FZD8: variants seen among roughly 807,000 people sequenced by gnomAD.
FZD8 encodes the protein frizzled-8.
Under a neutral mutation model 46.0 loss-of-function variants are expected in FZD8, and 18 were observed. The ratio of observed to expected loss-of-function variants is 0.39; its 90% confidence interval spans 0.27 to 0.58. FZD8 has a LOEUF of 0.58. Among genes scored for constraint, FZD8 ranks in the 20% least tolerant of loss-of-function variants. The pLI, the probability that FZD8 is intolerant of heterozygous loss-of-function variation, is 0.55. For synonymous variants in FZD8, 586 were observed against 467.9 expected (o/e 1.25, Z -3.26); for missense variants, 785 against 983.4 (o/e 0.80, Z 2.70).
Position 35,639,922 on chromosome 10 carries a change from C to T in FZD8, c.1508G>A (p.Gly503Asp). 6.2e-7 allele frequency: 1 copy of T among 1,612,956 alleles called. No individual in the cohort carries two copies. The change falls in exon 1 of 1, where the codon GGC (glycine) becomes GAC (aspartate). Residue 503 changes from glycine (G) to aspartate (D), a missense_variant. Around this residue, in one of 5 missense-constraint regions of FZD8, gnomAD observed 147 missense variants for 242.5 expected, o/e 0.61. Coordinates refer to ENST00000374694, the MANE Select transcript of FZD8 (RefSeq NM_031866.3). ...GCGGATGCGGAAGAGGGACACGAAG[C>T]CGGCCAGCAGGAACATGGTGCCGAT... ...LFIGTMFLLA[G>D]FVSLFRIRSV...
In FZD8 at chr10:35,641,280, G is replaced by A; in HGVS notation, c.150C>T (p.Tyr50=). The change falls in exon 1 of 1, where the codon TAC becomes TAT. Residue 50 remains tyrosine, a synonymous_variant. Transcript: ENST00000374694. This position sits in a 1 kb window ranked among gnomAD's most constrained non-coding sequence, Gnocchi z 6.3. The part of the protein sequence containing the change: ...VPLCKGIGYN[Y]TYMPNQFNHD... Reference sequence around the variant, plus strand: ...GGTTGAACTGATTGGGCATGTAGGTGTAGTTGTAGCCGATGCCCTTACACA... The same window carrying A: ...GGTTGAACTGATTGGGCATGTAGGTATAGTTGTAGCCGATGCCCTTACACA... 3.1e-6 allele frequency: 5 copies of A among 1,614,066 alleles called. No homozygotes were observed. Among genetic ancestry groups the A allele is most frequent in the Non-Finnish European group, 4.2e-6 (5 of 1,179,938 alleles).
chr10:35,640,397 G>C lies in FZD8; in HGVS notation c.1033C>G (p.Pro345Ala), dbSNP rs1161149507. 8.2e-7 allele frequency: 1 copy of C among 1,215,814 alleles called. No individual in the cohort carries two copies. Among genetic ancestry groups the C allele is most frequent in the African/African-American group, 1.6e-5 (1 of 62,588 alleles). The allele number at this position is 1,215,814 out of a possible 1,614,324, so 75.3% of individuals were successfully genotyped here. ...GCGCCCCCAGCGCCCCCCGCGCCCG[G>C]CGCGCCACCGCTGCACGCCACCTTC... ...HEKVACSGGAPGAGGAGGAGG... is the reference protein window; with the variant it reads ...HEKVACSGGAAGAGGAGGAGG... The change falls in exon 1 of 1, where the codon CCG becomes GCG. Residue 345 changes from proline (P) to alanine (A), a missense_variant. Coordinates refer to ENST00000374694, the MANE Select transcript of FZD8 (RefSeq NM_031866.3).
Position 35,641,593 on chromosome 10 carries a change from G to A in FZD8, c.-164C>T, listed in dbSNP as rs1835864694. The A allele has an allele frequency of 1.1e-6, 1 of 926,270 alleles. No individual in the cohort carries two copies. The highest frequency in any genetic ancestry group is 1.6e-6 in the Non-Finnish European group (1 of 639,494). 57.4% of individuals were successfully genotyped at this position (926,270 alleles called of 1,614,324 possible). ...TGCCGATAATCTAACCCCTTCTAGG[G>A]GCGCGTCCGCAGCGGCGCGGCCCGC... On this transcript the variant is annotated 5_prime_UTR_variant, in exon 1 of 1. Coordinates refer to ENST00000374694, the MANE Select transcript of FZD8 (RefSeq NM_031866.3). This position sits in a 1 kb window ranked among gnomAD's most constrained non-coding sequence, Gnocchi z 6.3.
rs1835847900 is a variant in FZD8 at position 35,640,813 on chromosome 10, G to A, written c.617C>T (p.Ala206Val). The change falls in exon 1 of 1, where the codon GCG becomes GTG. Residue 206 changes from alanine to valine, a missense_variant. Ala to Val is a moderately conservative substitution (Grantham distance 64). Coordinates refer to ENST00000374694, the MANE Select transcript of FZD8 (RefSeq NM_031866.3). ...ACCGCCGCCGCCGCGAGCTGGGGGC[G>A]CCGCCGCGTCCCCGCCGCCACCGCC... is the stretch of plus-strand genomic sequence containing the variant. ...GRGGGGGDAA[A>V]PPARGGGGGG... The A allele has an allele frequency of 4.0e-6, 4 of 991,350 alleles. No homozygotes were observed. Among genetic ancestry groups the A allele is most frequent in the Non-Finnish European group, 4.8e-6 (4 of 835,682 alleles). 61.4% of individuals were successfully genotyped at this position (991,350 alleles called of 1,614,324 possible). A position where few individuals can be genotyped will look rare whatever the true frequency, so the allele number is the denominator to read the frequency against.
Position 35,639,498 on chromosome 10 carries a change from C to T in FZD8, c.1932G>A (p.Pro644=), listed in dbSNP as rs1835816933. The part of the protein sequence containing the change: ...GATAAGGGGG[P]GGGGGGGPGG... ...CGGGTCCCCCGCCGCCGCCGCCCCC[C>T]GGCCCGCCGCCACCCCCCGCGGCCG... is the stretch of plus-strand genomic sequence containing the variant. Residue 644 remains proline (P), a synonymous_variant, in exon 1 of 1, where the codon CCG becomes CCA. Transcript: ENST00000374694. 3 of 993,104 alleles carry T rather than the reference C, an allele frequency of 3.0e-6. No individual in the cohort carries two copies. The highest frequency in any genetic ancestry group is 3.6e-6 in the Non-Finnish European group (3 of 834,216). The allele number at this position is 993,104 out of a possible 1,614,324, so 61.5% of individuals were successfully genotyped here. A position where few individuals can be genotyped will look rare whatever the true frequency, so the allele number is the denominator to read the frequency against.
chr10:35,639,780 G>A lies in FZD8; in HGVS notation c.1650C>T (p.Cys550=), dbSNP rs757393285. The A allele has an allele frequency of 5.0e-6, 8 of 1,601,458 alleles. No homozygotes were observed. Among genetic ancestry groups the A allele is most frequent in the Middle Eastern group, 3.3e-4 (2 of 6,082 alleles). Residue 550 remains cysteine, a synonymous_variant, in exon 1 of 1, where the codon TGC becomes TGT. Coordinates refer to ENST00000374694, the MANE Select transcript of FZD8 (RefSeq NM_031866.3). ...GGCGGTTGTGCTGCTCGTAGAAGAG[G>A]CAGGCGACCACCACCGCGGCGGGCA... ...YTVPAAVVVA[C]LFYEQHNRPR...
Position 35,641,444 on chromosome 10 carries a change from C to A in FZD8, c.-15G>T. ...CCCCACTCCATGCTGTGCGCCTCGG[C>A]CCGGTGCCCTCGCCCTCCAGGCGGC... On this transcript the variant is annotated 5_prime_UTR_variant, in exon 1 of 1. Transcript: ENST00000374694. The surrounding 1 kb of genome is among the most constrained non-coding windows in gnomAD (Gnocchi z 6.3). The A allele has an allele frequency of 1.3e-6, 2 of 1,582,642 alleles. No homozygotes were observed. Among genetic ancestry groups the A allele is most frequent in the Non-Finnish European group, 1.7e-6 (2 of 1,167,772 alleles).
In FZD8 at chr10:35,639,727, G is replaced by A; in HGVS notation, c.1703C>T (p.Pro568Leu). The A allele has an allele frequency of 6.3e-7, 1 of 1,599,984 alleles. No individual in the cohort carries two copies. The highest frequency in any genetic ancestry group is 8.5e-7 in the Non-Finnish European group (1 of 1,179,710). ...GTCGGGCTGCAGGTCCCGCAGGCAC[G>A]GGCAGTTGTGCGTGGCCTCCCAGCG... ...RPRWEATHNC[P>L]CLRDLQPDQA... The change falls in exon 1 of 1, where the codon CCG becomes CTG. Residue 568 changes from proline to leucine, a missense_variant. Physicochemically the swap from Pro to Leu is moderately conservative, Grantham distance 98. Coordinates refer to ENST00000374694, the MANE Select transcript of FZD8 (RefSeq NM_031866.3).
chr10:35,640,711 C>T lies in FZD8; in HGVS notation c.719G>A (p.Ser240Asn). 1 of 1,510,482 alleles carries T rather than the reference C, an allele frequency of 6.6e-7. No homozygotes were observed. Among genetic ancestry groups the T allele is most frequent in the Non-Finnish European group, 8.9e-7 (1 of 1,121,346 alleles). 93.6% of individuals were successfully genotyped at this position (1,510,482 alleles called of 1,614,324 possible). The change falls in exon 1 of 1, where the codon AGC (serine) becomes AAC (asparagine). Residue 240 changes from serine to asparagine, a missense_variant. Ser to Asn is a conservative substitution (Grantham distance 46). This residue lies in a region of FZD8 where 354 missense variants were observed against 433.2 expected (regional missense o/e 0.82). Transcript: ENST00000374694. ...PGCQCRAPMV[S>N]VSSERHPLYN... ...GAGCGGGTGGCGCTCGCTGGACACG[C>T]TCACCATAGGCGCGCGGCACTGGCA...
At position 35,641,473 on chromosome 10, in the gene FZD8, C is replaced by G; in HGVS notation, c.-44G>C. The G allele has an allele frequency of 6.9e-7, 1 of 1,457,794 alleles. No homozygotes were observed. Among genetic ancestry groups the G allele is most frequent in the South Asian group, 1.3e-5 (1 of 75,724 alleles). 90.3% of individuals were successfully genotyped at this position (1,457,794 alleles called of 1,614,324 possible). A position where few individuals can be genotyped will look rare whatever the true frequency, so the allele number is the denominator to read the frequency against. Reference sequence around the variant, plus strand: ...GTGCCCTCGCCCTCCAGGCGGCGCGCAGAGGGGTGCCGGGGGGGGGGCCCA... The same window carrying G: ...GTGCCCTCGCCCTCCAGGCGGCGCGGAGAGGGGTGCCGGGGGGGGGGCCCA... On this transcript the variant is annotated 5_prime_UTR_variant, in exon 1 of 1. Transcript: ENST00000374694. The surrounding 1 kb of genome is among the most constrained non-coding windows in gnomAD (Gnocchi z 6.3).
rs373935969 is a variant in FZD8 at position 35,639,942 on chromosome 10, G to A, written c.1488C>T (p.Gly496=). Residue 496 remains glycine (G), a synonymous_variant, in exon 1 of 1, where the codon GGC becomes GGT. Coordinates refer to ENST00000374694, the MANE Select transcript of FZD8 (RefSeq NM_031866.3). ...LAPLVIYLFI[G]TMFLLAGFVS... is the part of the protein sequence containing the mutation. ...CGAAGCCGGCCAGCAGGAACATGGT[G>A]CCGATGAAGAGGTAGATGACCAGCG... is the stretch of plus-strand genomic sequence containing the variant. The A allele has an allele frequency of 1.8e-5, 29 of 1,613,074 alleles. No homozygotes were observed. The African/African-American group carries it at 3.7e-4, about 21-fold the overall frequency.
chr10:35,639,409 G>A lies in FZD8; in HGVS notation c.2021C>T (p.Thr674Met), dbSNP rs1430720202. Residue 674 changes from threonine (T) to methionine (M), a missense_variant, in exon 1 of 1, where the codon ACG becomes ATG. This residue lies in a region of FZD8 where 185 missense variants were observed against 180.8 expected (regional missense o/e 1.02). Coordinates refer to ENST00000374694, the MANE Select transcript of FZD8 (RefSeq NM_031866.3). ...SLYSDVSTGL[T>M]WRSGTASSVS... ...GGAGCTCGCCGTGCCCGACCGCCAC[G>A]TCAGGCCAGTGCTGACGTCGCTGTA... is the stretch of plus-strand genomic sequence containing the variant. The A allele has an allele frequency of 1.4e-6, 2 of 1,439,860 alleles. No homozygotes were observed. Among genetic ancestry groups the A allele is most frequent in the Non-Finnish European group, 1.8e-6 (2 of 1,084,576 alleles). The allele number at this position is 1,439,860 out of a possible 1,614,324, so 89.2% of individuals were successfully genotyped here.
chr10:35,641,012 C>A lies in FZD8; in HGVS notation c.418G>T (p.Glu140Ter). 1 of 1,605,646 alleles carries A rather than the reference C, an allele frequency of 6.2e-7. No individual in the cohort carries two copies. Among genetic ancestry groups the A allele is most frequent in the Non-Finnish European group, 8.5e-7 (1 of 1,177,144 alleles). The change falls in exon 1 of 1, where the codon GAG becomes TAG. Residue 140 changes from glutamate (E) to a stop codon, truncating the protein, a stop_gained. Transcript: ENST00000374694. LOFTEE classifies it high-confidence loss of function. The surrounding 1 kb of genome is among the most constrained non-coding windows in gnomAD (Gnocchi z 6.3). ...CACAGCGTGTCAGGGTTGCCTTGCT[C>A]GGGCAGCCGGTCGCAGCGCATGCGG... ...PDRMRCDRLPEQGNPDTLCMD... is the reference protein window; with the variant it reads ...PDRMRCDRLP
At position 35,641,561 on chromosome 10, in the gene FZD8, G is replaced by A. The variant is rs1835863858; in HGVS notation, c.-132C>T. On this transcript the variant is annotated 5_prime_UTR_variant, in exon 1 of 1. Coordinates refer to ENST00000374694, the MANE Select transcript of FZD8 (RefSeq NM_031866.3). The surrounding 1 kb of genome is among the most constrained non-coding windows in gnomAD (Gnocchi z 6.3). The stretch of plus-strand genomic sequence containing the variant: ...GTCTCCCTTATGCTTCGCCCGGGAG[G>A]GGGGTCTGCCGATAATCTAACCCCT... The A allele has an allele frequency of 5.7e-6, 7 of 1,232,592 alleles. 1 individual carries two copies. The highest frequency in any genetic ancestry group is 3.1e-5 in the South Asian group (2 of 63,524). 76.4% of individuals were successfully genotyped at this position (1,232,592 alleles called of 1,614,324 possible).
chr10:35,640,335 C>T lies in FZD8; in HGVS notation c.1095G>A (p.Ala365=), dbSNP rs1036185969. The T allele has an allele frequency of 4.1e-6, 4 of 963,924 alleles. No homozygotes were observed. Among genetic ancestry groups the T allele is most frequent in the Middle Eastern group, 5.4e-4 (1 of 1,864 alleles). 59.7% of individuals were successfully genotyped at this position (963,924 alleles called of 1,614,324 possible). ...CGCGCCCGCCCGGGCCGCCCGCGCC[C>T]GCGCCCGCCGCGCCCGCGCCCGCCG... ...GAAAGAGAAG[A]GAGGPGGRGE... is the part of the protein sequence containing the mutation. The change falls in exon 1 of 1, where the codon GCG becomes GCA. Residue 365 remains alanine, a synonymous_variant. Coordinates refer to ENST00000374694, the MANE Select transcript of FZD8 (RefSeq NM_031866.3).
In FZD8 at chr10:35,638,283, A is replaced by G. The variant is rs1835794514; in HGVS notation, c.*1062T>C. Reference sequence around the variant, plus strand: ...GAAACCTTTAGTGATACCATGCAGGATAAATAACAAGGCCTAAGGGGAATT... The same window carrying G: ...GAAACCTTTAGTGATACCATGCAGGGTAAATAACAAGGCCTAAGGGGAATT... On this transcript the variant is annotated 3_prime_UTR_variant, in exon 1 of 1. Transcript: ENST00000374694. 6.6e-6 allele frequency: 1 copy of G among 152,388 alleles called. No individual in the cohort carries two copies. Among genetic ancestry groups the G allele is most frequent in the South Asian group, 2.1e-4 (1 of 4,832 alleles). 9.4% of individuals were successfully genotyped at this position (152,388 alleles called of 1,614,324 possible).
Position 35,640,091 on chromosome 10 carries a change from G to A in FZD8, c.1339C>T (p.Leu447Phe). 1 of 1,611,660 alleles carries A rather than the reference G, an allele frequency of 6.2e-7. No individual in the cohort carries two copies. The highest frequency in any genetic ancestry group is 8.5e-7 in the Non-Finnish European group (1 of 1,179,562). ...YSQYFHLAAW[L>F]VPSVKSIAVL... Reference sequence around the variant, plus strand: ...GCGATGGACTTGACGCTGGGCACAAGCCACGCGGCCAGGTGGAAGTACTGC... The same window carrying A: ...GCGATGGACTTGACGCTGGGCACAAACCACGCGGCCAGGTGGAAGTACTGC... Residue 447 changes from leucine to phenylalanine, a missense_variant, in exon 1 of 1, where the codon CTT becomes TTT. Leu to Phe is a conservative substitution (Grantham distance 22). Transcript: ENST00000374694.
At position 35,640,310 on chromosome 10, in the gene FZD8, C is replaced by T; in HGVS notation, c.1120G>A (p.Gly374Ser). 4 of 1,390,146 alleles carry T rather than the reference C, an allele frequency of 2.9e-6. 1 individual carries two copies. The highest frequency in any genetic ancestry group is 3.1e-5 in the South Asian group (2 of 64,402). 86.1% of individuals were successfully genotyped at this position (1,390,146 alleles called of 1,614,324 possible). The change falls in exon 1 of 1, where the codon GGC becomes AGC. Residue 374 changes from glycine (G) to serine (S), a missense_variant. By Grantham distance (56) the Gly-to-Ser change is moderately conservative. Transcript: ENST00000374694. ...ACCGCGCCCAGCTCCTCGTACTCGC[C>T]GCGCCCGCCCGGGCCGCCCGCGCCC... Reference protein sequence around the residue: ...GAGAGGPGGRGEYEELGAVEQ... With the variant: ...GAGAGGPGGRSEYEELGAVEQ...
At position 35,640,408 on chromosome 10, in the gene FZD8, C is replaced by G. The variant is rs772325358; in HGVS notation, c.1022G>C (p.Ser341Thr). 2.9e-5 allele frequency: 40 copies of G among 1,359,622 alleles called. No homozygotes were observed. The highest frequency in any genetic ancestry group is 3.8e-5 in the Non-Finnish European group (39 of 1,036,240). 84.2% of individuals were successfully genotyped at this position (1,359,622 alleles called of 1,614,324 possible). The change falls in exon 1 of 1, where the codon AGC (serine) becomes ACC (threonine). Residue 341 changes from serine to threonine, a missense_variant. Transcript: ENST00000374694. ...GCCCCCCGCGCCCGGCGCGCCACCG[C>G]TGCACGCCACCTTCTCGTGGCCCGC... ...LVAGHEKVAC[S>T]GGAPGAGGAG...
Sources: gnomAD v4.1 joint callset for allele counts on GRCh38, gnomAD v4.1.1 for gene constraint, gnomAD v4.1.1 regional missense constraint, Gnocchi (gnomAD v3.1) non-coding constraint, MANE v1.5 for transcripts, NCBI Gene and HGNC (gene_info 2026-07-23, HGNC 2026-07-21) for gene names.